The following SACS variants were observed in gnomAD, a reference collection of about 807,000 sequenced individuals.
SACS encodes sacsin molecular chaperone, also known as sacsin.
A neutral mutation model predicts 348.0 loss-of-function variants in SACS; 197 were observed. The ratio of observed to expected loss-of-function variants is 0.57; its 90% CI spans 0.50 to 0.64. SACS has a LOEUF of 0.64. Among genes scored for constraint, SACS ranks in the 30% least tolerant of loss-of-function variants. SACS has a pLI of 0.00. For missense variants in SACS, 4,999 were observed against 5,360.8 expected (o/e 0.93, Z 2.11); for synonymous variants, 1,985 against 1,910.6 (o/e 1.04, Z -1.02).
chr13:23,368,719 G>C lies in SACS; in HGVS notation c.260-232C>G, dbSNP rs112304991. ...TGTTTTGTTTTGTTTTGTTTTTTGA[G>C]ACAGAGTCTCGCTCTGTCGCCCAAG... On this transcript the variant is annotated intron_variant, in intron 4 of 9. Transcript: ENST00000382292. Among the ~76,000 whole-genome samples the C allele has an allele frequency of 0.014, 2,064 of 152,224 alleles. 43 individuals are homozygous for C. Among genetic ancestry groups the C allele is most frequent in the African/African-American group, 0.047 (1,951 of 41,524 alleles).
At chr13:23,399,030 A>AAAAAAAAAAAAAAAAC (rs1357952511) in intron 2 of SACS, among the ~76,000 whole-genome samples, 2 of 150,556 alleles carry the variant, frequency 1.3e-5, no homozygotes, top group East Asian at 1.9e-4. Flanking sequence ...AAAAAAAAAA[A>AAAAAAAAAAAAAAAAC]AAAAAAACAT....
chr13:23,421,780 G>A (rs17387138), intron 1 of SACS, among the ~76,000 whole-genome samples: 3,036 of 151,728 alleles, frequency 0.02, 43 homozygotes, highest in Non-Finnish European at 0.033. Context: ...TACCTGGAGC[G>A]TGGTGTTCAC....
At chr13:23,356,070 T>C in intron 7 of SACS, 63 bp from the exon 8 acceptor site, 8 of 1,309,424 alleles carry the variant, frequency 6.1e-6, no homozygotes, top group Non-Finnish European at 7.5e-6. Flanking sequence ...TGATTACAAT[T>C]ATAATAAATA....
chr13:23,364,698 T>C (rs1019635956), intron 6 of SACS, among the ~76,000 whole-genome samples: 2 of 152,248 alleles, frequency 1.3e-5, no homozygotes, highest in Admixed American at 6.5e-5. Flanking sequence ...TATTAGTTTA[T>C]GGCTTTCTTA....
At position 23,355,697 on chromosome 13, in the gene SACS, T is replaced by C; in HGVS notation, c.915A>G (p.Thr305=). The change falls in exon 8 of 10, where the codon ACA becomes ACG. Residue 305 remains threonine, a synonymous_variant. Transcript: ENST00000382292. ...GCACACTTTTCAGAAAGAGCAGCAC[T>C]GTGTCTGCATCTGCCCTAAAAGACT... The part of the protein sequence containing the change: ...LFESFRADAD[T]VLLFLKSVQD... 6.2e-7 allele frequency: 1 copy of C among 1,614,196 alleles called. No individual in the cohort carries two copies. The highest frequency in any genetic ancestry group is 2.2e-5 in the East Asian group (1 of 44,882).
rs2137598061 is a variant in SACS at position 23,336,172 on chromosome 13, T to C, written c.7704A>G (p.Arg2568=). The change falls in exon 10 of 10, where the codon AGA becomes AGG. Residue 2568 remains arginine (R), a synonymous_variant. Transcript: ENST00000382292. ...ATEICFVFDP[R]QHPVDRIFDD... is the part of the protein sequence containing the mutation. ...CAAATATTCTATCAACTGGATGCTG[T>C]CTAGGATCAAACACAAAACAGATTT... is the stretch of plus-strand genomic sequence containing the variant. 6.2e-6 allele frequency: 10 copies of C among 1,614,034 alleles called. No individual in the cohort carries two copies. Among genetic ancestry groups the C allele is most frequent in the Non-Finnish European group, 7.6e-6 (9 of 1,179,936 alleles).
At chr13:23,414,457 GGAACATCA>G (rs1377727639) in intron 1 of SACS, among the ~76,000 whole-genome samples, 6 of 152,202 alleles carry the variant, frequency 3.9e-5, no homozygotes, top group African/African-American at 1.4e-4. Flanking sequence ...GGCCTCTGTA[GGAACATCA>G]GAAGGCAATC....
At chr13:23,346,728 A>T in intron 9 of SACS, 1 of 549,148 alleles carries the variant, frequency 1.8e-6, no homozygotes, top group Non-Finnish European at 2.3e-6. Flanking sequence ...CTAGCTACTT[A>T]GGTAAATGCA....
At chr13:23,377,528 T>G (rs2137854524) in intron 2 of SACS, among the ~76,000 whole-genome samples, 1 of 152,194 alleles carries the variant, frequency 6.6e-6, no homozygotes, top group African/African-American at 2.4e-5. Context: ...TAAAATAAAA[T>G]CTTCTTATCC....
At chr13:23,341,978 G>A (rs1249400744) in intron 9 of SACS, among the ~76,000 whole-genome samples, 2 of 151,594 alleles carry the variant, frequency 1.3e-5, no homozygotes, top group Non-Finnish European at 2.9e-5. Flanking sequence ...TAGTAGAGAC[G>A]GGGTTTCACC....
chr13:23,354,573 G>T lies in SACS; in HGVS notation c.2039C>A (p.Ser680Tyr). 3 of 1,614,200 alleles carry T rather than the reference G, an allele frequency of 1.9e-6. No homozygotes were observed. The highest frequency in any genetic ancestry group is 2.5e-6 in the Non-Finnish European group (3 of 1,180,032). Residue 680 changes from serine (S) to tyrosine (Y), a missense_variant, in exon 8 of 10, where the codon TCC becomes TAC. This residue lies in a region of SACS where 3,156 missense variants were observed against 3,380.1 expected (regional missense o/e 0.93). Coordinates refer to ENST00000382292, the MANE Select transcript of SACS (RefSeq NM_014363.6). Reference protein sequence around the residue: ...PLQNGNFVPFSSSVSDQDVIY... With the variant: ...PLQNGNFVPFYSSVSDQDVIY... ...GACATCTTGGTCTGATACAGATGAG[G>T]AGAAGGGGACAAAATTGCCATTTTG...
intron 5 of SACS, among the ~76,000 whole-genome samples, chr13:23,367,316 C>T (rs1167456630): frequency 6.6e-6 from 1 of 152,210 alleles, no homozygotes; most frequent in African/African-American, 2.4e-5. Flanking sequence ...AAAGACACAA[C>T]AGTCCTCAGT....
At chr13:23,418,261 A>C (rs986461875) in intron 1 of SACS, among the ~76,000 whole-genome samples, 1 of 152,142 alleles carries the variant, frequency 6.6e-6, no homozygotes, top group Non-Finnish European at 1.5e-5. Flanking sequence ...TCTAATTTAT[A>C]TTTATCTTTC....
chr13:23,406,697 T>C (rs749514976), intron 2 of SACS, among the ~76,000 whole-genome samples: 24 of 152,204 alleles, frequency 1.6e-4, no homozygotes, highest in Non-Finnish European at 3.4e-4. Context: ...AATTGTATCC[T>C]ATTAAACCTG....
chr13:23,335,127 A>C lies in SACS; in HGVS notation c.8749T>G (p.Leu2917Val), dbSNP rs1471334672. 6.2e-7 allele frequency: 1 copy of C among 1,613,860 alleles called. No individual in the cohort carries two copies. Among genetic ancestry groups the C allele is most frequent in the African/African-American group, 1.3e-5 (1 of 74,904 alleles). ...SDWNNSLMTA[L>V]IAPAYVELLI... is the part of the protein sequence containing the mutation. ...AATTCAACATATGCAGGAGCTATTA[A>C]TGCTGTCATTAAACTGTTATTCCAG... Residue 2917 changes from leucine to valine, a missense_variant, in exon 10 of 10, where the codon TTA becomes GTA. Around this residue, in one of 6 missense-constraint regions of SACS, gnomAD observed 734 missense variants for 694.0 expected, o/e 1.06. Coordinates refer to ENST00000382292, the MANE Select transcript of SACS (RefSeq NM_014363.6). The surrounding 1 kb of genome is among the most constrained non-coding windows in gnomAD (Gnocchi z 4.7).
At chr13:23,429,405 C>T (rs1157817587) in intron 1 of SACS, among the ~76,000 whole-genome samples, 1 of 121,706 alleles carries the variant, frequency 8.2e-6, no homozygotes, top group Non-Finnish European at 1.6e-5. Context: ...CTCTGTCACC[C>T]GGGCTGGAGT....
chr13:23,353,335 T>C (rs1042082948), intron 9 of SACS, among the ~76,000 whole-genome samples: 3 of 152,152 alleles, frequency 2.0e-5, no homozygotes, highest in African/African-American at 7.2e-5. Flanking sequence ...GGCAGTGGTG[T>C]CAGAAATAGA....
chr13:23,342,747 G>A (rs866126833), intron 9 of SACS, among the ~76,000 whole-genome samples: 12 of 152,188 alleles, frequency 7.9e-5, no homozygotes, highest in African/African-American at 1.9e-4. Context: ...TGAAGTCAGC[G>A]CACAGAGACT....
chr13:23,401,002 C>A (rs1872952890), intron 2 of SACS, among the ~76,000 whole-genome samples: 1 of 151,988 alleles, frequency 6.6e-6, no homozygotes, highest in Admixed American at 6.6e-5. Context: ...AAAAAGATAC[C>A]TAACCTTTGC....
Sources: allele counts gnomAD v4.1 joint callset (sites outside exome capture counted in the v4.1 genomes callset), GRCh38; gene constraint gnomAD v4.1.1; regional missense constraint gnomAD v4.1.1; non-coding constraint Gnocchi (gnomAD v3.1); transcripts MANE v1.5; gene names NCBI Gene and HGNC (gene_info 2026-07-23, HGNC 2026-07-21).